Variants in ASTN2 observed in about 807,000 individuals in gnomAD.
ASTN2 encodes astrotactin-2.
Under a neutral mutation model 139.8 loss-of-function variants are expected in ASTN2, and 54 were observed. That is an observed-to-expected ratio of 0.39 (90% CI 0.31 to 0.48). ASTN2 has a LOEUF of 0.48. Ranked by LOEUF, ASTN2 falls within the 20% of genes least tolerant of loss-of-function variation. ASTN2 has a pLI of 0.95. For missense variants in ASTN2, 1,565 were observed against 1,725.1 expected (o/e 0.91, Z 1.64); for synonymous variants, 756 against 719.5 (o/e 1.05, Z -0.81).
chr9:116,790,613 T>C (rs1376790251), intron 13 of ASTN2, among the ~76,000 whole-genome samples: 3 of 152,042 alleles, frequency 2.0e-5, no homozygotes, highest in African/African-American at 7.2e-5. Context: ...AAAATGCACT[T>C]GATGAGTAGT....
chr9:117,226,849 A>T (rs1564491062), intron 2 of ASTN2, among the ~76,000 whole-genome samples: 1 of 152,210 alleles, frequency 6.6e-6, no homozygotes. Flanking sequence ...TCCTTTGCTC[A>T]GTACATTATT....
chr9:116,988,543 G>A lies in ASTN2; in HGVS notation c.1592-11758C>T, dbSNP rs534508435. 1.1e-4 allele frequency among the ~76,000 whole-genome samples: 16 copies of A among 152,210 alleles called. No homozygotes were observed. In the South Asian group the frequency reaches 3.3e-3, roughly 32 times the overall value. The stretch of plus-strand genomic sequence containing the variant: ...CACTTAACCACCCTGTGAAGCGGGT[G>A]CTCATGTCCTGATTTTATACAGGAG... On this transcript the variant is annotated intron_variant, in intron 7 of 22. Coordinates refer to ENST00000313400, the MANE Select transcript of ASTN2 (RefSeq NM_001365068.1).
chr9:116,573,012 T>TGCAC (rs1853584094), intron 19 of ASTN2, among the ~76,000 whole-genome samples: 3 of 82,832 alleles, frequency 3.6e-5, no homozygotes, highest in Non-Finnish European at 2.4e-5. Flanking sequence ...TGTGGGTACA[T>TGCAC]GCACACACAC....
chr9:117,114,059 A>T, intron 4 of ASTN2, among the ~76,000 whole-genome samples: 1 of 152,206 alleles, frequency 6.6e-6, no homozygotes, highest in East Asian at 1.9e-4. Context: ...TGAAAAAAAT[A>T]GGGCAAAATT....
At chr9:117,295,977 C>T (rs1126390) in intron 1 of ASTN2, among the ~76,000 whole-genome samples, 3,730 of 151,892 alleles carry the variant, frequency 0.025, 141 homozygotes, top group African/African-American at 0.085. Context: ...AGCAGAATGT[C>T]AGGTGAGAAA....
At chr9:116,623,694 T>A (rs959204714) in intron 17 of ASTN2, among the ~76,000 whole-genome samples, 1 of 152,220 alleles carries the variant, frequency 6.6e-6, no homozygotes, top group Non-Finnish European at 1.5e-5. Flanking sequence ...AACTACTCTA[T>A]CCCTCCGTTA....
At chr9:116,473,705 C>G (rs1848889905) in intron 20 of ASTN2, among the ~76,000 whole-genome samples, 1 of 152,114 alleles carries the variant, frequency 6.6e-6, no homozygotes, top group Admixed American at 6.5e-5. Flanking sequence ...CGAGACCAGC[C>G]CAGCTGGGCC....
intron 11 of ASTN2, among the ~76,000 whole-genome samples, chr9:116,857,173 A>G (rs1832761561): frequency 6.6e-6 from 1 of 152,214 alleles, no homozygotes; most frequent in African/African-American, 2.4e-5. Context: ...CAGTCTTTGT[A>G]TGGATAGTTG....
At chr9:117,122,627 C>T (rs772827200) in intron 4 of ASTN2, among the ~76,000 whole-genome samples, 2 of 152,122 alleles carry the variant, frequency 1.3e-5, no homozygotes, top group African/African-American at 4.8e-5. Context: ...ATGCATGATT[C>T]GATTTACTGG....
At chr9:116,781,329 A>G (rs955531822) in intron 13 of ASTN2, among the ~76,000 whole-genome samples, 1 of 152,214 alleles carries the variant, frequency 6.6e-6, no homozygotes, top group Non-Finnish European at 1.5e-5. Flanking sequence ...GACAAGGAAA[A>G]TGTAAATTCA....
intron 2 of ASTN2, 135 bp from the exon 3 acceptor site, chr9:117,214,877 G>T: frequency 9.2e-7 from 1 of 1,088,282 alleles, no homozygotes; most frequent in Non-Finnish European, 1.2e-6. Context: ...CACCAGCCGT[G>T]GTTTTTAAGC....
intron 19 of ASTN2, among the ~76,000 whole-genome samples, chr9:116,542,145 T>C (rs1233519895): frequency 1.3e-5 from 2 of 152,216 alleles, no homozygotes; most frequent in Non-Finnish European, 2.9e-5. Flanking sequence ...TATTTCCTTT[T>C]TATTAAACAT....
chr9:116,552,202 GGTGA>G, intron 19 of ASTN2: 1 of 152,274 alleles, frequency 6.6e-6, no homozygotes, highest in East Asian at 1.9e-4. Flanking sequence ...AGCACAGAGA[GGTGA>G]GTAAGGTGTT....
intron 6 of ASTN2, among the ~76,000 whole-genome samples, chr9:117,016,534 T>G (rs1442390531): frequency 6.8e-6 from 1 of 146,146 alleles, no homozygotes; most frequent in Non-Finnish European, 1.5e-5. Context: ...TCACTGCATA[T>G]CCCAGAAAAA....
chr9:116,936,778 G>A (rs1835094973), intron 10 of ASTN2, among the ~76,000 whole-genome samples: 1 of 152,048 alleles, frequency 6.6e-6, no homozygotes, highest in Non-Finnish European at 1.5e-5. Flanking sequence ...CCCACACACA[G>A]CTTCACCTCG....
intron 22 of ASTN2, among the ~76,000 whole-genome samples, chr9:116,430,826 G>T (rs1847474160): frequency 6.6e-6 from 1 of 152,220 alleles, no homozygotes; most frequent in African/African-American, 2.4e-5. Flanking sequence ...GGAGGAGAAG[G>T]AAGAGTCGGA....
At chr9:116,491,193 T>A (rs1876475) in intron 19 of ASTN2, among the ~76,000 whole-genome samples, 54,683 of 152,110 alleles carry the variant, frequency 0.36, 10,392 homozygotes, top group Admixed American at 0.47. Context: ...ATGAATATAA[T>A]CATCTTCAAA....
chr9:116,606,257 T>A (rs1010071524), intron 19 of ASTN2, among the ~76,000 whole-genome samples: 1 of 152,150 alleles, frequency 6.6e-6, no homozygotes, highest in Non-Finnish European at 1.5e-5. Flanking sequence ...GTCCCGGAAC[T>A]GACCGAGCGA....
Position 116,698,515 on chromosome 9 carries a change from C to T in ASTN2, c.2806+27256G>A. ...GATGTAGCACTACTGGAGGAGACAGCTGATGAGGAGGAGCCAGAGCTCACT... is the reference window on the plus strand; with the variant it reads ...GATGTAGCACTACTGGAGGAGACAGTTGATGAGGAGGAGCCAGAGCTCACT... On this transcript the variant is annotated intron_variant, in intron 16 of 22. Coordinates refer to ENST00000313400, the MANE Select transcript of ASTN2 (RefSeq NM_001365068.1). This position sits in a 1 kb window ranked among gnomAD's most constrained non-coding sequence, Gnocchi z 4.4. 2 of 1,613,826 alleles carry T rather than the reference C, an allele frequency of 1.2e-6. No homozygotes were observed. Among genetic ancestry groups the T allele is most frequent in the East Asian group, 4.5e-5 (2 of 44,866 alleles).
Sources: allele counts gnomAD v4.1 joint callset (sites outside exome capture counted in the v4.1 genomes callset), GRCh38; gene constraint gnomAD v4.1.1; non-coding constraint Gnocchi (gnomAD v3.1); transcripts MANE v1.5; gene names NCBI Gene and HGNC (gene_info 2026-07-23, HGNC 2026-07-21).